Variants in WDR19 observed in about 807,000 individuals in gnomAD.
WDR19 encodes the protein WD repeat domain 19, also known as WD repeat-containing protein 19.
A neutral mutation model predicts 180.0 loss-of-function variants in WDR19; 121 were observed. That is an observed-to-expected ratio of 0.67 (90% CI 0.58 to 0.78). WDR19 has a LOEUF of 0.78. Ranked by LOEUF, WDR19 falls within the 30% of genes least tolerant of loss-of-function variation. The probability of loss-of-function intolerance (pLI) is 0.00; values close to 1 mark genes in which losing one functional copy is unlikely to be tolerated. For synonymous variants in WDR19, 497 were observed against 540.7 expected, an observed-to-expected ratio of 0.92 and a Z score of 1.12; for missense variants, 1,450 against 1,640.7, an observed-to-expected ratio of 0.88 and a Z score of 2.01.
At chr4:39,259,522 TTC>T (rs1301521286) in intron 28 of WDR19, among the ~76,000 whole-genome samples, 1 of 152,242 alleles carries the variant, frequency 6.6e-6, no homozygotes, top group Non-Finnish European at 1.5e-5. Flanking sequence ...TTGTGCCTGC[TTC>T]TCTCATTTAG....
intron 1 of WDR19, among the ~76,000 whole-genome samples, chr4:39,184,271 G>A (rs28418965): frequency 0.046 from 7,051 of 151,860 alleles, 530 homozygotes; most frequent in African/African-American, 0.16. Flanking sequence ...TTAGCCGGGC[G>A]TGGTAGCGTG....
intron 29 of WDR19, among the ~76,000 whole-genome samples, chr4:39,266,842 G>C (rs1259503103): frequency 1.3e-5 from 2 of 152,214 alleles, no homozygotes; most frequent in Non-Finnish European, 2.9e-5. Flanking sequence ...CCAGCACTTT[G>C]GGAGGCCAAG....
In WDR19 at chr4:39,203,800, C is replaced by T. The variant is rs16995178; in HGVS notation, c.603+78C>T. 4.6e-6 allele frequency: 6 copies of T among 1,296,344 alleles called. No individual in the cohort carries two copies. In the Admixed American group the frequency reaches 5.9e-5, roughly 13 times the overall value. The allele number at this position is 1,296,344 out of a possible 1,614,324, so 80.3% of individuals were successfully genotyped here. On this transcript the variant is annotated intron_variant, in intron 7 of 36. Coordinates refer to ENST00000399820, the MANE Select transcript of WDR19 (RefSeq NM_025132.4). The stretch of plus-strand genomic sequence containing the variant: ...TGTATAATTTACTTTTCTTGGATGA[C>T]TAAAATAGTGATAAATAAATTAGGT...
chr4:39,217,352 C>A, intron 13 of WDR19, 112 bp downstream of exon 13: 1 of 838,704 alleles, frequency 1.2e-6, no homozygotes, highest in Non-Finnish European at 1.9e-6. Flanking sequence ...AACTAGAAAG[C>A]CAAGTGTGAG....
chr4:39,270,573 T>C (rs986756396), intron 31 of WDR19, among the ~76,000 whole-genome samples: 1 of 152,106 alleles, frequency 6.6e-6, no homozygotes, highest in Non-Finnish European at 1.5e-5. Context: ...ATATGGGGTT[T>C]CACCATGTTG....
At chr4:39,263,911 C>T (rs945010206) in intron 28 of WDR19, among the ~76,000 whole-genome samples, 17 of 112,480 alleles carry the variant, frequency 1.5e-4, no homozygotes, top group African/African-American at 3.4e-4. Context: ...GCAACAAGAG[C>T]GAAACTCCAT....
chr4:39,275,114 C>T, intron 33 of WDR19, 156 bp downstream of exon 33: 1 of 907,332 alleles, frequency 1.1e-6, no homozygotes, highest in Non-Finnish European at 1.7e-6. Flanking sequence ...CTGAGGTGGA[C>T]AAATCACTTG....
At chr4:39,206,686 A>G (rs1727988219) in intron 9 of WDR19, among the ~76,000 whole-genome samples, 2 of 152,236 alleles carry the variant, frequency 1.3e-5, no homozygotes, top group South Asian at 4.1e-4. Flanking sequence ...GTATAGACTT[A>G]TCCTAAACAT....
chr4:39,269,582 A>G (rs2109495402), intron 30 of WDR19, among the ~76,000 whole-genome samples: 1 of 152,366 alleles, frequency 6.6e-6, no homozygotes, highest in South Asian at 2.1e-4. Flanking sequence ...ACAATGGCTC[A>G]TGCCTGTAAT....
chr4:39,272,208 GC>G (rs937008991), intron 31 of WDR19, among the ~76,000 whole-genome samples: 2 of 152,162 alleles, frequency 1.3e-5, no homozygotes, highest in Non-Finnish European at 2.9e-5. Flanking sequence ...AGTGCAGGGG[GC>G]ACAGAAACAC....
chr4:39,256,001 A>G, intron 27 of WDR19, 41 bp downstream of exon 27: 2 of 1,361,920 alleles, frequency 1.5e-6, no homozygotes, highest in Non-Finnish European at 1.0e-6. Flanking sequence ...CTCCGCAGGA[A>G]TAATTGTAGG....
At chr4:39,187,760 G>A (rs1725721372) in intron 3 of WDR19, among the ~76,000 whole-genome samples, 1 of 152,160 alleles carries the variant, frequency 6.6e-6, no homozygotes, top group Non-Finnish European at 1.5e-5. Context: ...TGATCTCTGT[G>A]ACATCTATTT....
intron 9 of WDR19, among the ~76,000 whole-genome samples, chr4:39,206,996 A>G (rs6840578): frequency 0.45 from 68,633 of 152,066 alleles, 18,646 homozygotes; most frequent in East Asian, 0.62. Flanking sequence ...ATGAAGAATT[A>G]GGAGAATTTT....
intron 24 of WDR19, among the ~76,000 whole-genome samples, chr4:39,246,837 G>A (rs1732577216): frequency 6.6e-6 from 1 of 152,228 alleles, no homozygotes; most frequent in Non-Finnish European, 1.5e-5. Flanking sequence ...GGCTTGAGTA[G>A]GTAAACAAAG....
intron 31 of WDR19, among the ~76,000 whole-genome samples, chr4:39,270,494 G>C (rs551871595): frequency 1.2e-4 from 18 of 152,152 alleles, no homozygotes; most frequent in Non-Finnish European, 1.6e-4. Context: ...TTCTGCCTCA[G>C]CCTTCCAAGT....
chr4:39,205,183 G>A lies in WDR19; in HGVS notation c.633G>A (p.Leu211=). 1.3e-6 allele frequency: 2 copies of A among 1,595,824 alleles called. No homozygotes were observed. The highest frequency in any genetic ancestry group is 2.7e-5 in the African/African-American group (2 of 74,682). ...MISVVLGKKT[L]FFLNLNEPDN... is the part of the protein sequence containing the mutation. ...GTGTGGTGCTTGGCAAGAAAACTTT[G>A]TTTTTTTTAAATCTGAATGAACCAG... The change falls in exon 8 of 37, where the codon TTG becomes TTA. Residue 211 remains leucine, a synonymous_variant. Transcript: ENST00000399820.
chr4:39,258,633 G>A (rs913856009), intron 28 of WDR19, among the ~76,000 whole-genome samples: 1 of 152,100 alleles, frequency 6.6e-6, no homozygotes, highest in African/African-American at 2.4e-5. Flanking sequence ...GTTTTATTGG[G>A]TATATATCCA....
intron 19 of WDR19, among the ~76,000 whole-genome samples, chr4:39,233,347 C>G (rs1274825952): frequency 1.3e-5 from 2 of 152,282 alleles, no homozygotes; most frequent in East Asian, 3.9e-4. Flanking sequence ...TCAGACATGT[C>G]TGGGTTCAAA....
chr4:39,283,610 C>T (rs902007791), intron 36 of WDR19, among the ~76,000 whole-genome samples: 9 of 152,146 alleles, frequency 5.9e-5, no homozygotes, highest in East Asian at 1.9e-4. Context: ...TATACACACA[C>T]ACACAAATAT....
Sources: allele counts gnomAD v4.1 joint callset (sites outside exome capture counted in the v4.1 genomes callset), GRCh38; gene constraint gnomAD v4.1.1; transcripts MANE v1.5; gene names NCBI Gene and HGNC (gene_info 2026-07-23, HGNC 2026-07-21).